The following ADAMTS2 variants were observed in gnomAD, a reference collection of about 807,000 sequenced individuals.
ADAMTS2 encodes the protein ADAM metallopeptidase with thrombospondin type 1 motif 2, also known as A disintegrin and metalloproteinase with thrombospondin motifs 2.
ADAMTS2 carries 50 observed loss-of-function variants against 123.0 expected under a neutral mutation model. The observed-to-expected ratio is 0.41, with a 90% CI of 0.32 to 0.51. The LOEUF (loss-of-function observed/expected upper bound fraction) is 0.51. Ranked by LOEUF, ADAMTS2 falls within the 20% of genes least tolerant of loss-of-function variation. ADAMTS2 has a pLI of 0.35. For missense variants in ADAMTS2, 1,494 were observed against 1,705.2 expected (o/e 0.88, Z 2.18); for synonymous variants, 678 against 695.4 (o/e 0.98, Z 0.39).
chr5:179,319,097 C>A (rs117775590), intron 2 of ADAMTS2, among the ~76,000 whole-genome samples: 1 of 152,306 alleles, frequency 6.6e-6, no homozygotes, highest in East Asian at 1.9e-4. Flanking sequence ...TGCACTCCCA[C>A]ATGCAGCATG....
Position 179,137,847 on chromosome 5 carries a change from C to T in ADAMTS2, c.1873G>A (p.Glu625Lys). 2 of 1,568,528 alleles carry T rather than the reference C, an allele frequency of 1.3e-6. No homozygotes were observed. The highest frequency in any genetic ancestry group is 1.7e-6 in the Non-Finnish European group (2 of 1,158,174). Residue 625 changes from glutamate to lysine, a missense_variant, in exon 12 of 22, where the codon GAG becomes AAG. Coordinates refer to ENST00000251582, the MANE Select transcript of ADAMTS2 (RefSeq NM_014244.5). ...TACAGGTCCCACTGGCGGCACTGCT[C>T]CTCGCGGAAGTCAGCCAGGGAGTCG... ...CPDSLADFRE[E>K]QCRQWDLYFE...
chr5:179,156,574 G>A (rs1340433309), intron 6 of ADAMTS2, among the ~76,000 whole-genome samples: 1 of 152,086 alleles, frequency 6.6e-6, no homozygotes. Context: ...TAGCCAGGAT[G>A]GTCTCCATCT....
chr5:179,209,227 G>A (rs1764792769), intron 3 of ADAMTS2, among the ~76,000 whole-genome samples: 1 of 152,218 alleles, frequency 6.6e-6, no homozygotes, highest in African/African-American at 2.4e-5. Flanking sequence ...TACAGATGGG[G>A]AGACCCATGG....
At chr5:179,140,060 C>T in intron 10 of ADAMTS2, 25 bp from the exon 11 acceptor site, 3 of 1,613,714 alleles carry the variant, frequency 1.9e-6, no homozygotes, top group South Asian at 1.1e-5. Flanking sequence ...GCCAGTCCCT[C>T]CACTCACCCT....
At position 179,112,237 on chromosome 5, in the gene ADAMTS2, T is replaced by C. The variant is rs1762579697; in HGVS notation, c.*1630A>G. On this transcript the variant is annotated 3_prime_UTR_variant, in exon 22 of 22. Coordinates refer to ENST00000251582, the MANE Select transcript of ADAMTS2 (RefSeq NM_014244.5). The stretch of plus-strand genomic sequence containing the variant: ...ACATGAACAAATTCTCGAAGAGGAT[T>C]GGTGAGAGTACACAGCCTCTAGAAG... The C allele has an allele frequency of 6.6e-6, 1 of 152,176 alleles. No individual in the cohort carries two copies. Among genetic ancestry groups the C allele is most frequent in the Non-Finnish European group, 1.5e-5 (1 of 68,034 alleles). The allele number at this position is 152,176 out of a possible 1,614,324, so 9.4% of individuals were successfully genotyped here. A position where few individuals can be genotyped will look rare whatever the true frequency, so the allele number is the denominator to read the frequency against.
chr5:179,288,089 C>T (rs922951962), intron 2 of ADAMTS2, among the ~76,000 whole-genome samples: 1 of 152,250 alleles, frequency 6.6e-6, no homozygotes, highest in Admixed American at 6.5e-5. Context: ...CCAGAGGACC[C>T]CCCCTTTCAC....
At chr5:179,169,944 G>T (rs1413245968) in intron 5 of ADAMTS2, among the ~76,000 whole-genome samples, 4 of 152,110 alleles carry the variant, frequency 2.6e-5, no homozygotes, top group Non-Finnish European at 5.9e-5. Context: ...CATTTGCTTT[G>T]ATTTTCATCA....
chr5:179,157,215 G>A (rs1258256994), intron 6 of ADAMTS2, among the ~76,000 whole-genome samples: 1 of 152,144 alleles, frequency 6.6e-6, no homozygotes, highest in Non-Finnish European at 1.5e-5. Context: ...CTCCCAAAGT[G>A]CTGGGATTAC....
At chr5:179,286,745 A>G (rs970372761) in intron 2 of ADAMTS2, among the ~76,000 whole-genome samples, 1 of 152,164 alleles carries the variant, frequency 6.6e-6, no homozygotes, top group African/African-American at 2.4e-5. Flanking sequence ...GGGCTTGAAT[A>G]GCAGAACCTA....
intron 4 of ADAMTS2, among the ~76,000 whole-genome samples, chr5:179,190,368 C>T (rs1443162562): frequency 6.6e-6 from 1 of 152,062 alleles, no homozygotes; most frequent in East Asian, 1.9e-4. Context: ...TTAGAAGGAG[C>T]ATTTGTCGTA....
intron 4 of ADAMTS2, among the ~76,000 whole-genome samples, chr5:179,194,111 G>A (rs766884349): frequency 2.0e-5 from 3 of 152,200 alleles, no homozygotes; most frequent in East Asian, 3.8e-4. Context: ...AGTTCCCCGC[G>A]GGAGGCCAAG....
At chr5:179,125,492 G>A (rs1312371291) in intron 18 of ADAMTS2, among the ~76,000 whole-genome samples, 1 of 152,130 alleles carries the variant, frequency 6.6e-6, no homozygotes, top group African/African-American at 2.4e-5. Flanking sequence ...GCCTCCTTAG[G>A]GTCTGGGCCC....
intron 2 of ADAMTS2, among the ~76,000 whole-genome samples, chr5:179,318,418 C>A (rs899955387): frequency 6.6e-6 from 1 of 151,890 alleles, no homozygotes; most frequent in Non-Finnish European, 1.5e-5. Flanking sequence ...GAAGGAGATG[C>A]CGGGCGGGGC....
At chr5:179,278,553 C>A (rs562180994) in intron 2 of ADAMTS2, among the ~76,000 whole-genome samples, 8 of 152,198 alleles carry the variant, frequency 5.3e-5, no homozygotes, top group African/African-American at 1.7e-4. Flanking sequence ...CAGTTGGGAG[C>A]CTGCTGGTGG....
rs1159471009 is a variant in ADAMTS2 at position 179,212,136 on chromosome 5, G to A, written c.689-4421C>T. On this transcript the variant is annotated intron_variant, in intron 3 of 21. Coordinates refer to ENST00000251582, the MANE Select transcript of ADAMTS2 (RefSeq NM_014244.5). ...GATTAGACTAGAGAAGAGAAAACCT[G>A]GGACTGAGTCTGCAACCTCGGGAGC... 1.3e-5 allele frequency among the ~76,000 whole-genome samples: 2 copies of A among 152,252 alleles called. 1 individual carries two copies. Among genetic ancestry groups the A allele is most frequent in the Non-Finnish European group, 2.9e-5 (2 of 68,048 alleles).
Position 179,158,941 on chromosome 5 carries a change from C to G in ADAMTS2, c.976-62G>C. On this transcript the variant is annotated intron_variant, in intron 5 of 21. Transcript: ENST00000251582. The surrounding 1 kb of genome is among the most constrained non-coding windows in gnomAD (Gnocchi z 5.0). ...GGCGCCTGGTGGCCCAGTGGGGGGC[C>G]GAGCAGGCTGTAGTGTTGACAGACC... The G allele has an allele frequency of 6.3e-7, 1 of 1,586,628 alleles. No individual in the cohort carries two copies. The highest frequency in any genetic ancestry group is 8.6e-7 in the Non-Finnish European group (1 of 1,165,700).
At position 179,342,125 on chromosome 5, in the gene ADAMTS2, CTGGCTGAA is replaced by C. The variant is rs200455073; in HGVS notation, c.534+1634_534+1641del. Among the ~76,000 whole-genome samples the C allele has an allele frequency of 8.3e-4, 126 of 152,264 alleles. 4 individuals carry two copies. In the East Asian group the frequency reaches 0.018, roughly 21 times the overall value. ...CAGGGGATAAACATATGAGAAGGTG[CTGGCTGAA>C]AAATGAATCACCAAATGAACTGCTG... On this transcript the variant is annotated intron_variant, in intron 2 of 21. Transcript: ENST00000251582.
intron 2 of ADAMTS2, among the ~76,000 whole-genome samples, chr5:179,338,626 G>A (rs535308862): frequency 2.0e-5 from 3 of 152,326 alleles, no homozygotes; most frequent in African/African-American, 4.8e-5. Context: ...GACTCAGGCC[G>A]GAGCTGGAGG....
chr5:179,240,571 T>A (rs1358928428), intron 3 of ADAMTS2, among the ~76,000 whole-genome samples: 1 of 152,208 alleles, frequency 6.6e-6, no homozygotes, highest in Non-Finnish European at 1.5e-5. Flanking sequence ...TAGGGGCCGC[T>A]GGCAAAAGAA....
Sources: gnomAD v4.1 joint callset for allele counts (sites outside exome capture counted in the v4.1 genomes callset) on GRCh38, gnomAD v4.1.1 for gene constraint, Gnocchi (gnomAD v3.1) non-coding constraint, MANE v1.5 for transcripts, NCBI Gene and HGNC (gene_info 2026-07-23, HGNC 2026-07-21) for gene names.